Variants in HSPBP1 observed in about 807,000 individuals in gnomAD.
HSPBP1 encodes HSPA (Hsp70) binding protein 1, also known as hsp70-binding protein 1.
A neutral mutation model predicts 41.7 loss-of-function variants in HSPBP1; 31 were observed. The observed-to-expected ratio is 0.74, with a 90% CI of 0.56 to 1.00. The LOEUF is 1.00. HSPBP1 is among the 50% of genes least tolerant of loss of function. The pLI is 0.00. For missense variants in HSPBP1, 439 were observed against 487.9 expected (o/e 0.90, Z 0.94); for synonymous variants, 199 against 214.4 (o/e 0.93, Z 0.63).
intron 6 of HSPBP1, 121 bp downstream of exon 6, chr19:55,265,765 C>T: frequency 1.5e-6 from 1 of 654,442 alleles, no homozygotes; most frequent in Non-Finnish European, 2.6e-6. Flanking sequence ...GGCCCCACAC[C>T]CTTCCTCTCT....
At chr19:55,267,834 G>A (rs73053136) in intron 4 of HSPBP1, among the ~76,000 whole-genome samples, 18,458 of 152,172 alleles carry the variant, frequency 0.12, 1,430 homozygotes, top group African/African-American at 0.21. Context: ...TGAGGAAACT[G>A]AGGCCTAAAG....
chr19:55,265,298 G>A lies in HSPBP1; in HGVS notation c.985C>T (p.Gln329Ter), dbSNP rs2087745745. The A allele has an allele frequency of 2.5e-6, 4 of 1,611,328 alleles. No individual in the cohort carries two copies. The highest frequency in any genetic ancestry group is 3.4e-6 in the Non-Finnish European group (4 of 1,178,990). ...TGTACCTGGTACTCCTCATGCTGCT[G>A]CAGCAGCTGACAGCGGTGGCGGAGG... ...ELLRHRCQLL[Q>*]QHEEYQEELE... Residue 329 changes from glutamine (Q) to a stop codon, truncating the protein, a stop_gained, in exon 7 of 8, where the codon CAG (glutamine) becomes TAG (stop). Transcript: ENST00000433386. LOFTEE classifies it high-confidence loss of function.
Position 55,265,925 on chromosome 19 carries a change from T to C in HSPBP1, c.854A>G (p.His285Arg). 1.2e-6 allele frequency: 2 copies of C among 1,608,514 alleles called. No homozygotes were observed. The highest frequency in any genetic ancestry group is 1.7e-6 in the Non-Finnish European group (2 of 1,178,512). Residue 285 changes from histidine (H) to arginine (R), a missense_variant, in exon 6 of 8, where the codon CAC (histidine) becomes CGC (arginine). By Grantham distance (29) the His-to-Arg change is conservative. Transcript: ENST00000433386. ...AAGCACGTGCTCGTGGAAGGGGCTG[T>C]GCTCTGTCCGCACCAGGGCCACCAG... ...QQLVALVRTEHSPFHEHVLGA... is the reference protein window; with the variant it reads ...QQLVALVRTERSPFHEHVLGA...
Position 55,279,447 on chromosome 19 carries a change from G to A in HSPBP1, c.162C>T (p.Thr54=), listed in dbSNP as rs145139846. Reference sequence around the variant, plus strand: ...GAGGGTCTGGCTCTTCAGAGCCCGCGGTGATGGCCATCTGCAGCAAGCCTT... The same window carrying A: ...GAGGGTCTGGCTCTTCAGAGCCCGCAGTGATGGCCATCTGCAGCAAGCCTT... ...NLQGLLQMAI[T]AGSEEPDPPP... The change falls in exon 2 of 8, where the codon ACC becomes ACT. Residue 54 remains threonine (T), a synonymous_variant. Transcript: ENST00000433386. The A allele has an allele frequency of 2.7e-5, 44 of 1,604,932 alleles. No individual in the cohort carries two copies. The highest frequency in any genetic ancestry group is 3.7e-5 in the Non-Finnish European group (43 of 1,178,056).
intron 4 of HSPBP1, among the ~76,000 whole-genome samples, chr19:55,273,493 TC>T (rs1216411289): frequency 1.3e-5 from 2 of 152,084 alleles, no homozygotes; most frequent in Admixed American, 1.3e-4. Flanking sequence ...CCTGGCCCGA[TC>T]CCTCCCGTGT....
chr19:55,265,388 G>A lies in HSPBP1; in HGVS notation c.895C>T (p.Leu299=). 6.2e-7 allele frequency: 1 copy of A among 1,612,970 alleles called. No homozygotes were observed. The highest frequency in any genetic ancestry group is 8.5e-7 in the Non-Finnish European group (1 of 1,179,598). Residue 299 remains leucine (L), a splice_region_variant and synonymous_variant, in exon 7 of 8, where the codon CTG becomes TTG. Transcript: ENST00000433386. ...HEHVLGALCS[L]VTDFPQGVRE... ...ACACCCTGCGGAAAGTCTGTCACCA[G>A]GCTGTGAGGGACATGACAGCGGCCC...
chr19:55,266,567 T>C (rs1013197711), intron 4 of HSPBP1, among the ~76,000 whole-genome samples: 21 of 1,362 alleles, frequency 0.015, no homozygotes, highest in Admixed American at 0.049. Context: ...ACCATCACTA[T>C]CACCATCACT....
intron 2 of HSPBP1, 90 bp from the exon 3 acceptor site, chr19:55,277,936 G>A: frequency 9.3e-7 from 1 of 1,072,078 alleles, no homozygotes; most frequent in Non-Finnish European, 1.3e-6. Context: ...AACAACTGAG[G>A]GCTGATGTTC....
intron 4 of HSPBP1, among the ~76,000 whole-genome samples, chr19:55,267,929 T>C (rs555178843): frequency 6.6e-6 from 1 of 152,320 alleles, no homozygotes; most frequent in South Asian, 2.1e-4. Flanking sequence ...GAACTGACCT[T>C]TGGAGTGCAC....
chr19:55,273,909 A>G (rs1215693697), intron 4 of HSPBP1, among the ~76,000 whole-genome samples: 11 of 137,924 alleles, frequency 8.0e-5, no homozygotes, highest in African/African-American at 2.9e-4. Context: ...TCTTGTCTCT[A>G]TATAGGTTAA....
At position 55,274,571 on chromosome 19, in the gene HSPBP1, G is replaced by A. The variant is rs373339365; in HGVS notation, c.467C>T (p.Ala156Val). ...CCGCCACCGCAGTCCCGCAGCCCCC[G>A]CCTCCAGGTACCGGCCCACCAGCAG... ...MHLLVGRYLE[A>V]GAAGLRWRAA... The change falls in exon 4 of 8, where the codon GCG becomes GTG. Residue 156 changes from alanine (A) to valine (V), a missense_variant. By Grantham distance (64) the Ala-to-Val change is moderately conservative (BLOSUM62 0). Transcript: ENST00000433386. 2.8e-5 allele frequency: 45 copies of A among 1,608,682 alleles called. No individual in the cohort carries two copies. The South Asian group carries it at 3.5e-4, about 13-fold the overall frequency.
chr19:55,266,553 CATCACCATCACT>C (rs1338910940), intron 4 of HSPBP1, among the ~76,000 whole-genome samples: 33 of 134,634 alleles, frequency 2.5e-4, no homozygotes, highest in African/African-American at 3.0e-4. Context: ...ACATCACCAA[CATCACCATCACT>C]ATCACCATCA....
chr19:55,279,063 T>A (rs2088157019), intron 2 of HSPBP1, among the ~76,000 whole-genome samples: 1 of 152,074 alleles, frequency 6.6e-6, no homozygotes, highest in Admixed American at 6.6e-5. Context: ...AACTACCCTA[T>A]ACGGTAGTTA....
At position 55,265,363 on chromosome 19, in the gene HSPBP1, A is replaced by G; in HGVS notation, c.920T>C (p.Val307Ala). 6.2e-7 allele frequency: 1 copy of G among 1,612,342 alleles called. No individual in the cohort carries two copies. Among genetic ancestry groups the G allele is most frequent in the Non-Finnish European group, 8.5e-7 (1 of 1,179,426 alleles). Residue 307 changes from valine to alanine, a missense_variant, in exon 7 of 8, where the codon GTG (valine) becomes GCG (alanine). Coordinates refer to ENST00000433386, the MANE Select transcript of HSPBP1 (RefSeq NM_012267.5). ...CAGTTCCGGCTCCCGACACTCGCGC[A>G]CACCCTGCGGAAAGTCTGTCACCAG... Reference protein sequence around the residue: ...CSLVTDFPQGVRECREPELGL... With the variant: ...CSLVTDFPQGARECREPELGL...
At chr19:55,276,993 T>A (rs1328244368) in intron 3 of HSPBP1, among the ~76,000 whole-genome samples, 1 of 152,114 alleles carries the variant, frequency 6.6e-6, no homozygotes, top group Non-Finnish European at 1.5e-5. Flanking sequence ...CAGCCTGAAC[T>A]ATGAACCAAG....
rs2087773369 is a variant in HSPBP1, at chr19:55,266,292, A to G, written c.641-6T>C. The G allele has an allele frequency of 3.8e-6, 6 of 1,566,244 alleles. No homozygotes were observed. Among genetic ancestry groups the G allele is most frequent in the African/African-American group, 1.4e-5 (1 of 73,856 alleles). ...CTCCTGCTCTCGGACCAGACCTGGG[A>G]GAGGGGGAAAGGTCCTGAGCTTGCA... On this transcript the variant is annotated splice_region_variant and splice_polypyrimidine_tract_variant and intron_variant, in intron 4 of 7. Transcript: ENST00000433386.
At chr19:55,271,167 C>A (rs920118708) in intron 4 of HSPBP1, among the ~76,000 whole-genome samples, 81 of 152,036 alleles carry the variant, frequency 5.3e-4, no homozygotes, top group Non-Finnish European at 8.5e-4. Flanking sequence ...CTCTTTTGTA[C>A]CTGGTGAACG....
chr19:55,266,412 T>A (rs2087781063), intron 4 of HSPBP1, 126 bp from the exon 5 acceptor site: 1 of 920,836 alleles, frequency 1.1e-6, no homozygotes, highest in Admixed American at 3.2e-5. Context: ...ACCACTATCT[T>A]CACCACCATC....
rs939437774 is a variant in HSPBP1, at chr19:55,268,633, T to C, written c.641-2347A>G. Among the ~76,000 whole-genome samples the C allele has an allele frequency of 1.3e-5, 2 of 152,154 alleles. No homozygotes were observed. The highest frequency in any genetic ancestry group is 4.1e-4 in the South Asian group (2 of 4,828). ...TATTAATTACACATTGAAATTATAA[T>C]AGTTTGGACATATTGGGTTACATAT... On this transcript the variant is annotated intron_variant, in intron 4 of 7. Transcript: ENST00000433386. This position sits in a 1 kb window ranked among gnomAD's most constrained non-coding sequence, Gnocchi z 4.5.
Sources: allele counts gnomAD v4.1 joint callset (sites outside exome capture counted in the v4.1 genomes callset), GRCh38; gene constraint gnomAD v4.1.1; non-coding constraint Gnocchi (gnomAD v3.1); transcripts MANE v1.5; gene names NCBI Gene and HGNC (gene_info 2026-07-23, HGNC 2026-07-21).